NPSR1: variants seen among roughly 807,000 people sequenced by gnomAD.
NPSR1 encodes the protein neuropeptide S receptor.
In NPSR1, 48 loss-of-function variants were observed where a neutral mutation model predicts 46.9. The ratio of observed to expected loss-of-function variants is 1.02; its 90% confidence interval spans 0.81 to 1.30. The LOEUF (loss-of-function observed/expected upper bound fraction) is 1.30. Ranked by LOEUF, NPSR1 falls within the 50% of genes most tolerant of loss-of-function variation. The pLI, the probability that NPSR1 is intolerant of heterozygous loss-of-function variation, is 0.00. For synonymous variants in NPSR1, 176 were observed against 168.1 expected (o/e 1.05, Z -0.36); for missense variants, 450 against 449.5 (o/e 1.00, Z -0.01).
intron 6 of NPSR1, among the ~76,000 whole-genome samples, chr7:34,836,643 A>G (rs9648410): frequency 0.91 from 137,036 of 150,628 alleles, 62,555 homozygotes; most frequent in East Asian, 0.99. Flanking sequence ...GAAAGAAAGA[A>G]AGAGAAAGAA....
chr7:34,704,847 C>A (rs1794020191), intron 2 of NPSR1, among the ~76,000 whole-genome samples: 1 of 152,166 alleles, frequency 6.6e-6, no homozygotes, highest in Non-Finnish European at 1.5e-5. Context: ...GCAAGGGAAA[C>A]AATTAAAGGA....
chr7:34,740,148 G>A (rs898003867), intron 2 of NPSR1, among the ~76,000 whole-genome samples: 1 of 151,976 alleles, frequency 6.6e-6, no homozygotes, highest in Non-Finnish European at 1.5e-5. Flanking sequence ...GATTATGCCT[G>A]CCTCTGCTGT....
chr7:34,776,072 T>TC (rs1332481733), intron 2 of NPSR1, among the ~76,000 whole-genome samples: 3 of 152,144 alleles, frequency 2.0e-5, no homozygotes, highest in Non-Finnish European at 4.4e-5. Context: ...CTAGTTTTAT[T>TC]CCATTATGGT....
At chr7:34,684,716 C>T in intron 2 of NPSR1, 32 bp downstream of exon 2, 1 of 1,567,648 alleles carries the variant, frequency 6.4e-7, no homozygotes, top group East Asian at 2.3e-5. Context: ...AGGCAGGAAG[C>T]TATATGTGAA....
intron 5 of NPSR1, among the ~76,000 whole-genome samples, chr7:34,828,648 T>C (rs1789973449): frequency 1.3e-5 from 2 of 152,222 alleles, no homozygotes; most frequent in Non-Finnish European, 1.5e-5. Flanking sequence ...AGGAAGATTA[T>C]CAGCCTTTGT....
intron 3 of NPSR1, among the ~76,000 whole-genome samples, chr7:34,792,698 TACG>T (rs1787971300): frequency 8.7e-6 from 1 of 114,706 alleles, no homozygotes; most frequent in African/African-American, 3.4e-5. Context: ...TGTATATATA[TACG>T]TATATATATA....
chr7:34,724,303 A>G (rs1023034158), intron 2 of NPSR1, among the ~76,000 whole-genome samples: 2 of 152,256 alleles, frequency 1.3e-5, no homozygotes, highest in Admixed American at 6.5e-5. Flanking sequence ...TGCATGTTAT[A>G]TAAGTTTCTC....
chr7:34,745,519 T>C (rs1382869158), intron 2 of NPSR1, among the ~76,000 whole-genome samples: 1 of 152,188 alleles, frequency 6.6e-6, no homozygotes, highest in Non-Finnish European at 1.5e-5. Flanking sequence ...ATATATTATC[T>C]ATTAATTTAT....
intron 1 of NPSR1, among the ~76,000 whole-genome samples, chr7:34,676,459 T>C (rs150781804): frequency 6.6e-6 from 1 of 152,234 alleles, no homozygotes; most frequent in African/African-American, 2.4e-5. Flanking sequence ...CCTCTGAAAT[T>C]GTTTCCTCAG....
chr7:34,713,397 G>C (rs895642291), intron 2 of NPSR1, among the ~76,000 whole-genome samples: 3 of 152,202 alleles, frequency 2.0e-5, no homozygotes, highest in African/African-American at 4.8e-5. Flanking sequence ...ATGTCAGATG[G>C]AGCAGCCTCT....
chr7:34,748,717 C>T (rs750837235), intron 2 of NPSR1, among the ~76,000 whole-genome samples: 1 of 151,910 alleles, frequency 6.6e-6, no homozygotes, highest in East Asian at 1.9e-4. Context: ...AGTTTGTGTG[C>T]GTGAGGTGCT....
At chr7:34,714,116 G>A (rs1297934146) in intron 2 of NPSR1, among the ~76,000 whole-genome samples, 2 of 152,256 alleles carry the variant, frequency 1.3e-5, no homozygotes, top group Non-Finnish European at 2.9e-5. Flanking sequence ...CTGTCCGCTG[G>A]AAGTCTGGCA....
At chr7:34,805,454 G>C (rs1330332403) in intron 3 of NPSR1, among the ~76,000 whole-genome samples, 1 of 103,398 alleles carries the variant, frequency 9.7e-6, no homozygotes, top group South Asian at 3.3e-4. Context: ...TGTCTTAGTT[G>C]AAAGAGTGGT....
intron 3 of NPSR1, among the ~76,000 whole-genome samples, chr7:34,785,681 G>C (rs1337792466): frequency 6.6e-6 from 1 of 151,884 alleles, no homozygotes; most frequent in East Asian, 1.9e-4. Flanking sequence ...AATAATAATA[G>C]CTACAATAGA....
intron 3 of NPSR1, among the ~76,000 whole-genome samples, chr7:34,802,867 C>G (rs1430323878): frequency 6.7e-6 from 1 of 150,274 alleles, no homozygotes; most frequent in Non-Finnish European, 1.5e-5. Context: ...AACAAATTTA[C>G]AAGAAAAAAA....
intron 2 of NPSR1, chr7:34,710,948 G>A (rs1783251104): frequency 8.3e-6 from 3 of 361,690 alleles, no homozygotes; most frequent in Non-Finnish European, 1.6e-5. Context: ...AGGCAGATGG[G>A]ACAGAACTGA....
At chr7:34,855,697 T>C (rs1791033934) in intron 8 of NPSR1, among the ~76,000 whole-genome samples, 1 of 152,032 alleles carries the variant, frequency 6.6e-6, no homozygotes, top group Non-Finnish European at 1.5e-5. Flanking sequence ...CAATATCAAA[T>C]GCTACAAAGG....
chr7:34,791,044 A>ATATATGT (rs1363913525), intron 3 of NPSR1, among the ~76,000 whole-genome samples: 7 of 112,354 alleles, frequency 6.2e-5, no homozygotes, highest in African/African-American at 2.3e-4. Context: ...ATATTATATT[A>ATATATGT]TATATGTTAT....
At chr7:34,759,567 C>T (rs932831423) in intron 2 of NPSR1, among the ~76,000 whole-genome samples, 2 of 152,186 alleles carry the variant, frequency 1.3e-5, no homozygotes, top group African/African-American at 4.8e-5. Flanking sequence ...CTTATCTTGT[C>T]CTTTTCCCAG....
Sources: allele counts gnomAD v4.1 joint callset (sites outside exome capture counted in the v4.1 genomes callset), GRCh38; gene constraint gnomAD v4.1.1; transcripts MANE v1.5; gene names NCBI Gene and HGNC (gene_info 2026-07-23, HGNC 2026-07-21).